RSPH14: variants seen among roughly 807,000 people sequenced by gnomAD.
RSPH14 encodes rhabdoid tumor deletion region gene 1.
RSPH14 carries 20 observed loss-of-function variants against 26.7 expected under a neutral mutation model. The ratio of observed to expected loss-of-function variants is 0.75; its 90% CI spans 0.53 to 1.09. The LOEUF (loss-of-function observed/expected upper bound fraction) is 1.09, where lower values mean the gene tolerates loss of function less well. RSPH14 is among the 50% of genes least tolerant of loss of function. The probability of loss-of-function intolerance (pLI) is 0.00; values close to 1 mark genes in which losing one functional copy is unlikely to be tolerated. For missense variants in RSPH14, 449 were observed against 457.2 expected (o/e 0.98, Z 0.16); for synonymous variants, 177 against 189.3 (o/e 0.93, Z 0.53).
intron 4 of RSPH14, chr22:23,095,567 A>G: frequency 2.9e-6 from 3 of 1,018,546 alleles, no homozygotes; most frequent in Non-Finnish European, 4.2e-6. Context: ...GCTCGGCCTC[A>G]CCCCCCTGCT....
chr22:23,175,187 T>C, the RSPH14 span, among the ~76,000 whole-genome samples: 1 of 151,784 alleles, frequency 6.6e-6, no homozygotes, highest in Admixed American at 6.6e-5. Context: ...TTTAGTAGAG[T>C]CGGGGTTTCA....
At chr22:23,094,755 T>A (rs2069075790) in intron 4 of RSPH14, among the ~76,000 whole-genome samples, 1 of 152,222 alleles carries the variant, frequency 6.6e-6, no homozygotes, top group Non-Finnish European at 1.5e-5. Context: ...CTCCTGGTGC[T>A]TTTCCTCCCT....
intron 4 of RSPH14, among the ~76,000 whole-genome samples, chr22:23,068,939 C>T (rs2068273450): frequency 6.6e-6 from 1 of 152,192 alleles, no homozygotes; most frequent in Admixed American, 6.5e-5. Context: ...GCTGAATTCC[C>T]TTGGTCCTCA....
chr22:23,143,427 C>T (rs1017022609), upstream of RSPH14, among the ~76,000 whole-genome samples: 7 of 152,134 alleles, frequency 4.6e-5, no homozygotes, highest in Non-Finnish European at 1.0e-4. Flanking sequence ...GAGCGGTACC[C>T]TCACTGTACC....
chr22:23,160,849 T>C, the RSPH14 span: 1 of 1,603,744 alleles, frequency 6.2e-7, no homozygotes, highest in Non-Finnish European at 8.5e-7. Flanking sequence ...GAAACACTGA[T>C]GAGGTCCCGG....
chr22:23,065,699 G>A (rs984250587), intron 4 of RSPH14, among the ~76,000 whole-genome samples: 3 of 152,094 alleles, frequency 2.0e-5, no homozygotes, highest in Non-Finnish European at 4.4e-5. Context: ...CGTGTTCCAC[G>A]TGCTGTGGAT....
intron 4 of RSPH14, among the ~76,000 whole-genome samples, chr22:23,089,006 G>A (rs1352482206): frequency 1.3e-5 from 2 of 152,198 alleles, no homozygotes; most frequent in East Asian, 3.9e-4. Context: ...TGGGGGCAGG[G>A]TCTGTGTGTT....
intron 4 of RSPH14, among the ~76,000 whole-genome samples, chr22:23,098,281 T>C (rs1334548167): frequency 6.6e-6 from 1 of 152,214 alleles, no homozygotes; most frequent in African/African-American, 2.4e-5. Context: ...GCCCTTATCC[T>C]CCAGGTCTCA....
chr22:23,150,091 T>A, the RSPH14 span: 3 of 1,612,174 alleles, frequency 1.9e-6, no homozygotes, highest in Non-Finnish European at 2.5e-6. Flanking sequence ...TGTTTGCAGC[T>A]CAGGGAGCAC....
In RSPH14 at chr22:23,071,700, G is replaced by A. The variant is rs2068381127; in HGVS notation, c.422-7567C>T. Among the ~76,000 whole-genome samples the A allele has an allele frequency of 1.3e-5, 2 of 152,252 alleles. No homozygotes were observed. The highest frequency in any genetic ancestry group is 4.8e-5 in the African/African-American group (2 of 41,458). On this transcript the variant is annotated intron_variant, in intron 4 of 6. Transcript: ENST00000216036. This position sits in a 1 kb window ranked among gnomAD's most constrained non-coding sequence, Gnocchi z 4.1. ...TCTACTCGACCAACCCCGCTTGAGT[G>A]CAGGTGCAGGGGCCTCGGGAGGGAC... is the stretch of plus-strand genomic sequence containing the variant.
At chr22:23,113,413 C>A (rs1482662846) in intron 4 of RSPH14, among the ~76,000 whole-genome samples, 1 of 152,240 alleles carries the variant, frequency 6.6e-6, no homozygotes, top group Admixed American at 6.5e-5. Flanking sequence ...TCTCGGATAG[C>A]CTCCTGCCCA....
Position 23,081,648 on chromosome 22 carries a change from C to G in RSPH14, c.422-17515G>C, listed in dbSNP as rs191933824. ...ACCAATGTGGCCAACATGGCAAAACCCTGTCTCTACTAAAAATACAAAAAT... is the reference window on the plus strand; with the variant it reads ...ACCAATGTGGCCAACATGGCAAAACGCTGTCTCTACTAAAAATACAAAAAT... On this transcript the variant is annotated intron_variant, in intron 4 of 6. Transcript: ENST00000216036. Among the ~76,000 whole-genome samples the G allele has an allele frequency of 2.9e-3, 442 of 151,900 alleles. 1 individual carries two copies. Among genetic ancestry groups the G allele is most frequent in the South Asian group, 4.8e-3 (23 of 4,788 alleles).
At chr22:23,176,517 C>T in the RSPH14 span, among the ~76,000 whole-genome samples, 1 of 152,144 alleles carries the variant, frequency 6.6e-6, no homozygotes, top group Non-Finnish European at 1.5e-5. Flanking sequence ...CGTTGGCCCC[C>T]TGGTCCCACT....
At chr22:23,155,838 C>T in the RSPH14 span, 1 of 764,734 alleles carries the variant, frequency 1.3e-6, no homozygotes, top group Admixed American at 3.2e-5. Context: ...ACAACAGGCA[C>T]TTCCTGAAGC....
chr22:23,117,764 A>G (rs2146385505), intron 4 of RSPH14, among the ~76,000 whole-genome samples: 1 of 152,366 alleles, frequency 6.6e-6, no homozygotes, highest in South Asian at 2.1e-4. Context: ...GACTTGTCCA[A>G]GGTGCAGCAT....
chr22:23,078,128 G>A (rs971269899), intron 4 of RSPH14, among the ~76,000 whole-genome samples: 5 of 152,326 alleles, frequency 3.3e-5, no homozygotes, highest in East Asian at 1.9e-4. Flanking sequence ...GCCTGTCTCC[G>A]AGCTGGGCTT....
the RSPH14 span, chr22:23,155,960 C>A: frequency 6.2e-7 from 1 of 1,608,280 alleles, no homozygotes. Context: ...TTCTCACCCA[C>A]CTCACAGCTG....
the RSPH14 span, among the ~76,000 whole-genome samples, chr22:23,165,777 C>CT: frequency 6.6e-6 from 1 of 152,276 alleles, no homozygotes; most frequent in East Asian, 1.9e-4. Flanking sequence ...TGGTGTGGCT[C>CT]TACCTGAATG....
intron 4 of RSPH14, among the ~76,000 whole-genome samples, chr22:23,122,873 C>A (rs531742828): frequency 6.6e-6 from 1 of 152,334 alleles, no homozygotes; most frequent in South Asian, 2.1e-4. Context: ...ATCTTCCAAG[C>A]ACTTGCCACT....
Sources: gnomAD v4.1 joint callset for allele counts (sites outside exome capture counted in the v4.1 genomes callset) on GRCh38, gnomAD v4.1.1 for gene constraint, Gnocchi (gnomAD v3.1) non-coding constraint, MANE v1.5 for transcripts, NCBI Gene and HGNC (gene_info 2026-07-23, HGNC 2026-07-21) for gene names.